The following ZNF236 variants were observed in gnomAD, a reference collection of about 807,000 sequenced individuals.
ZNF236 encodes regulated by glucose.
A neutral mutation model predicts 191.2 loss-of-function variants in ZNF236; 50 were observed. That is an observed-to-expected ratio of 0.26 (90% CI 0.21 to 0.33). The LOEUF (loss-of-function observed/expected upper bound fraction) is 0.33, where lower values mean the gene tolerates loss of function less well. Among genes scored for constraint, ZNF236 ranks in the 10% least tolerant of loss-of-function variants. The probability of loss-of-function intolerance (pLI) is 1.00; values close to 1 mark genes in which losing one functional copy is unlikely to be tolerated. For missense variants in ZNF236, 1,754 were observed against 2,374.5 expected, an observed-to-expected ratio of 0.74 and a Z score of 5.43; for synonymous variants, 907 against 928.8, an observed-to-expected ratio of 0.98 and a Z score of 0.43.
At chr18:76,845,365 G>A (rs1975643972) in intron 1 of ZNF236, among the ~76,000 whole-genome samples, 1 of 152,038 alleles carries the variant, frequency 6.6e-6, no homozygotes, top group African/African-American at 2.4e-5. Context: ...CTTCTTAGGG[G>A]GCAGAAACAG....
chr18:76,944,411 G>T (rs1302436471), intron 26 of ZNF236, among the ~76,000 whole-genome samples: 1 of 152,178 alleles, frequency 6.6e-6, no homozygotes, highest in African/African-American at 2.4e-5. Flanking sequence ...TAGCTGATTT[G>T]TGTATCACTT....
intron 9 of ZNF236, among the ~76,000 whole-genome samples, chr18:76,884,206 C>T (rs1395803744): frequency 6.6e-6 from 1 of 151,826 alleles, no homozygotes; most frequent in Non-Finnish European, 1.5e-5. Context: ...TTGAGACCAG[C>T]CTGGACAACA....
In ZNF236 at chr18:76,871,828, A is replaced by G. The variant is rs758251775; in HGVS notation, c.667+3A>G. On this transcript the variant is annotated splice_donor_region_variant and intron_variant, in intron 5 of 30. Coordinates refer to ENST00000320610, the MANE Select transcript of ZNF236 (RefSeq NM_001306089.2). ...GCGACACATTAGGATACACACAGGT[A>G]TGAAAACACTGACTTCTGGATGACT... The G allele has an allele frequency of 6.2e-7, 1 of 1,614,206 alleles. No individual in the cohort carries two copies. The highest frequency in any genetic ancestry group is 8.5e-7 in the Non-Finnish European group (1 of 1,180,016).
chr18:76,913,684 G>A (rs113023059), intron 17 of ZNF236, 63 bp from the exon 18 acceptor site: 11 of 1,555,894 alleles, frequency 7.1e-6, no homozygotes, highest in African/African-American at 6.8e-5. Flanking sequence ...CCCTTTTCAG[G>A]TGCTGTATTT....
At chr18:76,831,553 G>A (rs118170526) in intron 1 of ZNF236, among the ~76,000 whole-genome samples, 2,403 of 152,184 alleles carry the variant, frequency 0.016, 29 homozygotes, top group Non-Finnish European at 0.019. Flanking sequence ...GGTAAATCTC[G>A]GGGACTGTGA....
intron 1 of ZNF236, among the ~76,000 whole-genome samples, chr18:76,827,209 G>A (rs935807889): frequency 6.8e-6 from 1 of 148,012 alleles, no homozygotes; most frequent in African/African-American, 2.5e-5. Flanking sequence ...TGTTGAGACG[G>A]AGTTTTGCCC....
chr18:76,847,287 T>C (rs571222681), intron 1 of ZNF236, among the ~76,000 whole-genome samples: 4 of 152,240 alleles, frequency 2.6e-5, no homozygotes, highest in South Asian at 2.1e-4. Context: ...CTTTTATTAA[T>C]GTACTCAGCC....
chr18:76,942,263 A>G (rs1303082323), intron 26 of ZNF236, among the ~76,000 whole-genome samples: 1 of 152,230 alleles, frequency 6.6e-6, no homozygotes, highest in Non-Finnish European at 1.5e-5. Flanking sequence ...GTTCAGCATT[A>G]TACCACCCTG....
At chr18:76,942,535 G>A (rs771162087) in intron 26 of ZNF236, among the ~76,000 whole-genome samples, 59 of 149,932 alleles carry the variant, frequency 3.9e-4, no homozygotes, top group South Asian at 1.3e-3. Flanking sequence ...TTTTTGAGAC[G>A]GAGTCTCGCT....
At chr18:76,827,115 C>T (rs971862759) in intron 1 of ZNF236, among the ~76,000 whole-genome samples, 2 of 152,020 alleles carry the variant, frequency 1.3e-5, no homozygotes, top group Non-Finnish European at 2.9e-5. Flanking sequence ...AGGCTAGTCT[C>T]GAACTCCTGA....
Position 76,904,361 on chromosome 18 carries a change from C to A in ZNF236, c.1895-19C>A. ...TAGCATTGACAGTGAATTACATCTG[C>A]TTTTCTTTTGCTTTGTAGGTCTCAT... On this transcript the variant is annotated intron_variant, in intron 11 of 30. Coordinates refer to ENST00000320610, the MANE Select transcript of ZNF236 (RefSeq NM_001306089.2). 6.3e-7 allele frequency: 1 copy of A among 1,583,462 alleles called. No individual in the cohort carries two copies. The highest frequency in any genetic ancestry group is 8.6e-7 in the Non-Finnish European group (1 of 1,167,258).
chr18:76,853,224 G>C (rs987402747), intron 3 of ZNF236, among the ~76,000 whole-genome samples: 2 of 151,912 alleles, frequency 1.3e-5, no homozygotes, highest in Non-Finnish European at 2.9e-5. Flanking sequence ...GATTACAGGT[G>C]CCTGCCACCA....
Position 76,968,704 on chromosome 18 carries a change from G to A in ZNF236, c.*365G>A, listed in dbSNP as rs193263844. On this transcript the variant is annotated 3_prime_UTR_variant, in exon 31 of 31. Transcript: ENST00000320610. ...AGACAAAAACGCTAACATTGAAAAAGTATGTCAGATTTTCCTTCATGTTTC... is the reference window on the plus strand; with the variant it reads ...AGACAAAAACGCTAACATTGAAAAAATATGTCAGATTTTCCTTCATGTTTC... 1.5e-4 allele frequency: 147 copies of A among 1,002,026 alleles called. No homozygotes were observed. In the East Asian group the frequency reaches 0.012, roughly 79 times the overall value. 62.1% of individuals were successfully genotyped at this position (1,002,026 alleles called of 1,614,324 possible).
intron 10 of ZNF236, among the ~76,000 whole-genome samples, chr18:76,895,692 A>G (rs576951503): frequency 2.2e-4 from 34 of 152,084 alleles, no homozygotes; most frequent in Non-Finnish European, 3.4e-4. Flanking sequence ...AGTACCCCAC[A>G]TAGTACTGAA....
rs1007989400 is a variant in ZNF236 at position 76,972,372 on chromosome 18, A to G, written c.*4033A>G. On this transcript the variant is annotated 3_prime_UTR_variant, in exon 31 of 31. Transcript: ENST00000320610. ...CTGTTTGGTGGCTGGCCCTCTCCGA[A>G]CGGATTCCCCTCCTCAGACCCCCAT... Among the ~76,000 whole-genome samples, 3 of 152,146 alleles carry G rather than the reference A, an allele frequency of 2.0e-5. No homozygotes were observed. In the East Asian group the frequency reaches 5.8e-4, roughly 29 times the overall value.
rs565117723 is a variant in ZNF236 at position 76,907,474 on chromosome 18, G to A, written c.2298-846G>A. 1.2e-4 allele frequency among the ~76,000 whole-genome samples: 18 copies of A among 152,220 alleles called. No homozygotes were observed. In the South Asian group the frequency reaches 2.3e-3, roughly 19 times the overall value. On this transcript the variant is annotated intron_variant, in intron 13 of 30. Transcript: ENST00000320610. ...CTCCCAAGTAGCTGGGATTACAGGC[G>A]TGCACCCCTGCACCTGGCTAATTTT...
intron 9 of ZNF236, among the ~76,000 whole-genome samples, chr18:76,889,000 A>G (rs1406907195): frequency 1.3e-5 from 2 of 152,190 alleles, no homozygotes; most frequent in Non-Finnish European, 2.9e-5. Flanking sequence ...TCTCCTGCCA[A>G]GAAACTTTCT....
At chr18:76,828,850 A>G (rs1226691945) in intron 1 of ZNF236, among the ~76,000 whole-genome samples, 2 of 152,050 alleles carry the variant, frequency 1.3e-5, no homozygotes, top group African/African-American at 2.4e-5. Context: ...GTATTTTAGT[A>G]GAGACGGGGT....
chr18:76,960,208 C>A lies in ZNF236; in HGVS notation c.5242+392C>A, dbSNP rs566409234. On this transcript the variant is annotated intron_variant, in intron 29 of 30. Transcript: ENST00000320610. The surrounding 1 kb of genome is among the most constrained non-coding windows in gnomAD (Gnocchi z 4.4). The stretch of plus-strand genomic sequence containing the variant: ...TCTTCTGTCTTAAAACTTTTTTTCT[C>A]TGCTGGCTTTTCCTACACCACCTAA... 6.6e-6 allele frequency among the ~76,000 whole-genome samples: 1 copy of A among 152,112 alleles called. No homozygotes were observed. The highest frequency in any genetic ancestry group is 1.5e-5 in the Non-Finnish European group (1 of 68,006).
Sources: gnomAD v4.1 joint callset for allele counts (sites outside exome capture counted in the v4.1 genomes callset) on GRCh38, gnomAD v4.1.1 for gene constraint, Gnocchi (gnomAD v3.1) non-coding constraint, MANE v1.5 for transcripts, NCBI Gene and HGNC (gene_info 2026-07-23, HGNC 2026-07-21) for gene names.